The following RANBP17 variants were observed in gnomAD, a reference collection of about 807,000 sequenced individuals.
RANBP17 encodes the protein ran-binding protein 17.
A neutral mutation model predicts 141.2 loss-of-function variants in RANBP17; 158 were observed. That is an observed-to-expected ratio of 1.12 (90% CI 0.98 to 1.28). The LOEUF (loss-of-function observed/expected upper bound fraction) is 1.28, where lower values mean the gene tolerates loss of function less well. Among genes scored for constraint, RANBP17 ranks in the 50% most tolerant of loss-of-function variants. The pLI is 0.00. For synonymous variants in RANBP17, 430 were observed against 450.0 expected (o/e 0.96, Z 0.56); for missense variants, 1,438 against 1,290.7 (o/e 1.11, Z -1.75).
At chr5:171,212,021 C>CT (rs756164187) in intron 20 of RANBP17, among the ~76,000 whole-genome samples, 2 of 152,094 alleles carry the variant, frequency 1.3e-5, no homozygotes, top group Non-Finnish European at 2.9e-5. Context: ...CCTCAAAAAG[C>CT]TTATAATAGG....
intron 14 of RANBP17, among the ~76,000 whole-genome samples, chr5:171,043,948 G>A (rs1174834146): frequency 6.6e-6 from 1 of 152,028 alleles, no homozygotes; most frequent in African/African-American, 2.4e-5. Flanking sequence ...TGCACTATAA[G>A]ATCTAAACTT....
At chr5:171,062,412 C>G (rs1397714434) in intron 14 of RANBP17, among the ~76,000 whole-genome samples, 1 of 152,148 alleles carries the variant, frequency 6.6e-6, no homozygotes, top group East Asian at 1.9e-4. Flanking sequence ...TTCTCCTTCA[C>G]TTATGAAGCT....
intron 14 of RANBP17, among the ~76,000 whole-genome samples, chr5:171,108,371 A>T (rs920148004): frequency 6.6e-6 from 1 of 152,146 alleles, no homozygotes. Flanking sequence ...ATACTTTAAA[A>T]ATAAGTCTAA....
At chr5:171,283,850 A>G (rs1295414744) in intron 25 of RANBP17, among the ~76,000 whole-genome samples, 3 of 152,084 alleles carry the variant, frequency 2.0e-5, no homozygotes, top group Non-Finnish European at 4.4e-5. Context: ...CTTTCTCCGC[A>G]TCTCTGTTTT....
At chr5:171,291,343 G>T (rs141763194) in intron 25 of RANBP17, among the ~76,000 whole-genome samples, 269 of 152,276 alleles carry the variant, frequency 1.8e-3, no homozygotes, top group African/African-American at 5.7e-3. Context: ...GGGCACATTT[G>T]TTTAATTTTA....
intron 22 of RANBP17, among the ~76,000 whole-genome samples, chr5:171,228,438 G>A (rs1764006081): frequency 6.6e-6 from 1 of 152,216 alleles, no homozygotes; most frequent in Non-Finnish European, 1.5e-5. Context: ...TTGAATGGAT[G>A]AGGAGTTGCT....
chr5:170,937,788 G>A (rs1372873748), intron 12 of RANBP17, among the ~76,000 whole-genome samples: 1 of 152,050 alleles, frequency 6.6e-6, no homozygotes, highest in Non-Finnish European at 1.5e-5. Context: ...CATTAATTTG[G>A]ATTATGTTAT....
At chr5:171,189,690 C>G (rs1761498775) in intron 18 of RANBP17, among the ~76,000 whole-genome samples, 1 of 152,140 alleles carries the variant, frequency 6.6e-6, no homozygotes, top group Non-Finnish European at 1.5e-5. Context: ...CTCTTGTGCC[C>G]GATTAGTCTC....
intron 14 of RANBP17, among the ~76,000 whole-genome samples, chr5:171,062,549 C>A (rs1783966369): frequency 6.6e-6 from 1 of 152,164 alleles, no homozygotes; most frequent in African/African-American, 2.4e-5. Flanking sequence ...TGATGGGCTT[C>A]CCTTTGAGGG....
chr5:171,296,055 A>C lies in RANBP17; in HGVS notation c.3170+41A>C, dbSNP rs1332071648. ...TAGTGTGTCACTGGGGGAAGTAGAC[A>C]TTCCAGGTTTGTTGAAAATAACTCT... is the stretch of plus-strand genomic sequence containing the variant. On this transcript the variant is annotated intron_variant, in intron 27 of 27. Coordinates refer to ENST00000523189, the MANE Select transcript of RANBP17 (RefSeq NM_022897.5). The C allele has an allele frequency of 2.5e-6, 4 of 1,592,752 alleles. No homozygotes were observed. In the South Asian group the frequency reaches 3.4e-5, roughly 13 times the overall value.
intron 5 of RANBP17, among the ~76,000 whole-genome samples, chr5:170,909,009 G>T: frequency 6.6e-6 from 1 of 151,834 alleles, no homozygotes; most frequent in Admixed American, 6.6e-5. Flanking sequence ...TTGATAAATG[G>T]AAATACTAAT....
intron 14 of RANBP17, among the ~76,000 whole-genome samples, chr5:171,020,501 T>A (rs113754080): frequency 0.018 from 2,683 of 152,250 alleles, 43 homozygotes; most frequent in Non-Finnish European, 0.023. Flanking sequence ...TGTTGAATTG[T>A]TCCCTTTGCC....
intron 14 of RANBP17, among the ~76,000 whole-genome samples, chr5:171,162,207 T>C (rs957074137): frequency 5.3e-5 from 8 of 152,196 alleles, no homozygotes; most frequent in Non-Finnish European, 8.8e-5. Context: ...GAAGACTAGT[T>C]TAACAGAAGC....
At chr5:171,228,622 C>G (rs1764020169) in intron 22 of RANBP17, among the ~76,000 whole-genome samples, 1 of 152,134 alleles carries the variant, frequency 6.6e-6, no homozygotes, top group African/African-American at 2.4e-5. Flanking sequence ...GCATTGTATG[C>G]TACAGAGAAA....
chr5:171,053,873 T>A (rs1206969212), intron 14 of RANBP17, among the ~76,000 whole-genome samples: 11 of 107,198 alleles, frequency 1.0e-4, no homozygotes, highest in African/African-American at 3.8e-4. Context: ...TGTCAGTGTT[T>A]AGTTCATATA....
intron 9 of RANBP17, among the ~76,000 whole-genome samples, chr5:170,917,905 G>C (rs188084236): frequency 6.6e-6 from 1 of 151,920 alleles, no homozygotes; most frequent in Non-Finnish European, 1.5e-5. Context: ...AATTTTTTTG[G>C]TTATTTTTCT....
At position 171,155,097 on chromosome 5, in the gene RANBP17, ATAT is replaced by A. The variant is rs1448235539; in HGVS notation, c.1711-15032_1711-15030del. ...CATCTAGAAAAAAAAAAAAAAAAAT[ATAT>A]ATATATATATATATATATATGTACA... On this transcript the variant is annotated intron_variant, in intron 14 of 27. Transcript: ENST00000523189. Among the ~76,000 whole-genome samples the A allele has an allele frequency of 2.6e-4, 26 of 100,474 alleles. 1 individual carries two copies. The highest frequency in any genetic ancestry group is 9.0e-4 in the African/African-American group (25 of 27,836). 65.9% of individuals were successfully genotyped at this position (100,474 alleles called of 152,430 possible). A position where few individuals can be genotyped will look rare whatever the true frequency, so the allele number is the denominator to read the frequency against.
chr5:171,039,260 TTTTG>T (rs1162422747), intron 14 of RANBP17, among the ~76,000 whole-genome samples: 1 of 151,054 alleles, frequency 6.6e-6, no homozygotes, highest in Non-Finnish European at 1.5e-5. Context: ...TTTTTTTTTT[TTTTG>T]CTTTTTAATA....
chr5:171,056,830 T>C (rs1783415266), intron 14 of RANBP17, among the ~76,000 whole-genome samples: 1 of 152,198 alleles, frequency 6.6e-6, no homozygotes, highest in Admixed American at 6.6e-5. Context: ...CAAAAATTTT[T>C]TAAAGCCAAA....
Sources: gnomAD v4.1 joint callset for allele counts (sites outside exome capture counted in the v4.1 genomes callset) on GRCh38, gnomAD v4.1.1 for gene constraint, MANE v1.5 for transcripts, NCBI Gene and HGNC (gene_info 2026-07-23, HGNC 2026-07-21) for gene names.